Variants in LYPLAL1 observed in about 807,000 individuals in gnomAD.
The protein encoded by LYPLAL1 is lysophospholipase like 1.
Under a neutral mutation model 19.7 loss-of-function variants are expected in LYPLAL1, and 23 were observed. The observed-to-expected ratio is 1.17, with a 90% CI of 0.84 to 1.65. The LOEUF is 1.65. Among genes scored for constraint, LYPLAL1 ranks in the 40% most tolerant of loss-of-function variants. The pLI, the probability that LYPLAL1 is intolerant of heterozygous loss-of-function variation, is 0.00. For synonymous variants in LYPLAL1, 119 were observed against 96.3 expected (o/e 1.24, Z -1.38); for missense variants, 355 against 279.4 (o/e 1.27, Z -1.93).
the LYPLAL1 span, among the ~76,000 whole-genome samples, chr1:219,270,498 A>G: frequency 6.6e-6 from 1 of 152,224 alleles, no homozygotes; most frequent in African/African-American, 2.4e-5. Flanking sequence ...TGCATAGTGC[A>G]CGAAAAGGCT....
chr1:219,191,593 T>A (rs1657186524), intron 2 of LYPLAL1, among the ~76,000 whole-genome samples: 2 of 151,492 alleles, frequency 1.3e-5, no homozygotes, highest in Non-Finnish European at 3.0e-5. Flanking sequence ...AGAATAACAT[T>A]GAAGGATATA....
At chr1:219,315,531 C>G in the LYPLAL1 span, among the ~76,000 whole-genome samples, 2 of 152,028 alleles carry the variant, frequency 1.3e-5, no homozygotes, top group Non-Finnish European at 2.9e-5. Flanking sequence ...GATTAAATTT[C>G]CCTTAAAATA....
At chr1:219,175,403 G>A (rs1655731502) in intron 1 of LYPLAL1, among the ~76,000 whole-genome samples, 1 of 152,180 alleles carries the variant, frequency 6.6e-6, no homozygotes, top group South Asian at 2.1e-4. Flanking sequence ...GGCTCCAAGA[G>A]TGTTCATTTA....
At chr1:219,342,416 C>T in the LYPLAL1 span, among the ~76,000 whole-genome samples, 5 of 152,086 alleles carry the variant, frequency 3.3e-5, no homozygotes, top group Admixed American at 2.6e-4. Context: ...ACTACATTTG[C>T]GGGCCCTTTT....
chr1:219,188,233 A>G (rs1440449184), intron 2 of LYPLAL1, among the ~76,000 whole-genome samples: 1 of 151,866 alleles, frequency 6.6e-6, no homozygotes, highest in Non-Finnish European at 1.5e-5. Context: ...CAGAAAATAA[A>G]AGGGAAATTA....
the LYPLAL1 span, among the ~76,000 whole-genome samples, chr1:219,434,350 T>G: frequency 6.6e-6 from 1 of 152,228 alleles, no homozygotes; most frequent in African/African-American, 2.4e-5. Context: ...GAATCTATAG[T>G]TAAATGCTGT....
At chr1:219,373,962 GA>G in the LYPLAL1 span, among the ~76,000 whole-genome samples, 1 of 151,286 alleles carries the variant, frequency 6.6e-6, no homozygotes, top group African/African-American at 2.4e-5. Context: ...CCTCCAAAAG[GA>G]AAAAGGAAGA....
At chr1:219,278,252 C>T in the LYPLAL1 span, among the ~76,000 whole-genome samples, 2 of 152,132 alleles carry the variant, frequency 1.3e-5, no homozygotes, top group East Asian at 1.9e-4. Flanking sequence ...TCTTGCTCCC[C>T]TTTGTAGAGA....
the LYPLAL1 span, among the ~76,000 whole-genome samples, chr1:219,422,611 TAA>T: frequency 6.6e-6 from 1 of 151,432 alleles, no homozygotes; most frequent in African/African-American, 2.4e-5. Flanking sequence ...TATGCAGGAA[TAA>T]AAAAAAGAGT....
chr1:219,396,266 G>A, the LYPLAL1 span, among the ~76,000 whole-genome samples: 4 of 152,140 alleles, frequency 2.6e-5, no homozygotes, highest in Admixed American at 2.6e-4. Context: ...TTATTTCTGG[G>A]CTCTCTATTC....
chr1:219,440,930 C>T, the LYPLAL1 span, among the ~76,000 whole-genome samples: 1 of 152,144 alleles, frequency 6.6e-6, no homozygotes, highest in Non-Finnish European at 1.5e-5. Context: ...CTAATAGAGG[C>T]TCACAGCACC....
At chr1:219,400,477 A>G in the LYPLAL1 span, among the ~76,000 whole-genome samples, 3 of 150,756 alleles carry the variant, frequency 2.0e-5, no homozygotes, top group African/African-American at 4.9e-5. Flanking sequence ...TGCCCTATCT[A>G]TCTATCTATC....
intron 2 of LYPLAL1, among the ~76,000 whole-genome samples, chr1:219,191,743 A>G (rs1657198405): frequency 6.6e-6 from 1 of 151,512 alleles, no homozygotes; most frequent in African/African-American, 2.4e-5. Flanking sequence ...TATATATATA[A>G]TCTCATATTT....
Position 219,193,145 on chromosome 1 carries a change from TG to T in LYPLAL1, c.256del (p.Asp86ThrfsTer19). Reference protein sequence around the residue: ...VWFDRFKITNDCPEHLESIDV... With the variant: ...VWFDRFKITNXCPEHLESIDV... ...GGTTTGACAGATTTAAAATAACCAA[TG>T]ACTGCCCAGAACACCTTGAATCAAT... On this transcript the variant is annotated frameshift_variant, in exon 3 of 5. Transcript: ENST00000366928. LOFTEE classifies it high-confidence loss of function. 6.2e-7 allele frequency: 1 copy of T among 1,606,694 alleles called. No homozygotes were observed. Among genetic ancestry groups the T allele is most frequent in the African/African-American group, 1.3e-5 (1 of 74,514 alleles).
chr1:219,365,764 C>G, the LYPLAL1 span, among the ~76,000 whole-genome samples: 1 of 152,114 alleles, frequency 6.6e-6, no homozygotes, highest in Non-Finnish European at 1.5e-5. Context: ...TCCAACACCT[C>G]CCAGGACAGC....
At chr1:219,300,275 G>C in the LYPLAL1 span, among the ~76,000 whole-genome samples, 2 of 152,094 alleles carry the variant, frequency 1.3e-5, no homozygotes, top group African/African-American at 4.8e-5. Flanking sequence ...GAGCCACTGT[G>C]CCTGGCCTAT....
chr1:219,397,118 C>G, the LYPLAL1 span, among the ~76,000 whole-genome samples: 5 of 152,296 alleles, frequency 3.3e-5, no homozygotes, highest in South Asian at 6.2e-4. Flanking sequence ...GAGTTTTTAA[C>G]ATGAAGAAGT....
the LYPLAL1 span, among the ~76,000 whole-genome samples, chr1:219,276,939 C>G: frequency 1.3e-5 from 2 of 152,164 alleles, no homozygotes; most frequent in Admixed American, 6.5e-5. Context: ...CACATCAAGA[C>G]TAAGTTGCAC....
chr1:219,409,038 A>G, the LYPLAL1 span, among the ~76,000 whole-genome samples: 1 of 152,218 alleles, frequency 6.6e-6, no homozygotes, highest in East Asian at 1.9e-4. Context: ...AGCCACAGAA[A>G]TGACTTAGAA....
Sources: gnomAD v4.1 joint callset for allele counts (sites outside exome capture counted in the v4.1 genomes callset) on GRCh38, gnomAD v4.1.1 for gene constraint, MANE v1.5 for transcripts, NCBI Gene and HGNC (gene_info 2026-07-23, HGNC 2026-07-21) for gene names.